The following PDE4B variants were observed in gnomAD, a reference collection of about 807,000 sequenced individuals.
PDE4B encodes the protein phosphodiesterase 4B, also known as 3',5'-cyclic-AMP phosphodiesterase 4B.
In PDE4B, 20 loss-of-function variants were observed where a neutral mutation model predicts 82.2. That is an observed-to-expected ratio of 0.24 (90% CI 0.17 to 0.35). The LOEUF (loss-of-function observed/expected upper bound fraction) is 0.35, where lower values mean the gene tolerates loss of function less well. PDE4B is among the 10% of genes least tolerant of loss of function. The pLI is 1.00. For missense variants in PDE4B, 655 were observed against 907.2 expected, an observed-to-expected ratio of 0.72 and a Z score of 3.57; for synonymous variants, 320 against 318.9, an observed-to-expected ratio of 1.00 and a Z score of -0.04.
intron 8 of PDE4B, among the ~76,000 whole-genome samples, chr1:66,339,829 T>C (rs1660825216): frequency 7.3e-6 from 1 of 136,092 alleles, no homozygotes; most frequent in African/African-American, 2.9e-5. Flanking sequence ...GTTTAGTTTT[T>C]TTTTGTTTGT....
At chr1:66,034,508 C>T (rs1242411539) in intron 3 of PDE4B, among the ~76,000 whole-genome samples, 1 of 152,116 alleles carries the variant, frequency 6.6e-6, no homozygotes, top group Non-Finnish European at 1.5e-5. Context: ...TTTTAGGCTA[C>T]AGTGTTTCAT....
At chr1:66,315,191 A>G (rs927825010) in intron 7 of PDE4B, among the ~76,000 whole-genome samples, 1 of 152,256 alleles carries the variant, frequency 6.6e-6, no homozygotes, top group Non-Finnish European at 1.5e-5. Flanking sequence ...GTTGACTATC[A>G]GTTGATGGTT....
In PDE4B at chr1:66,340,332, A is replaced by G. The variant is rs114088728; in HGVS notation, c.747+7712A>G. Reference sequence around the variant, plus strand: ...TAAGTTATTTAGAAACGAAGAAGACAGTAAAACTCCTGTTTCTTTTGTTTC... The same window carrying G: ...TAAGTTATTTAGAAACGAAGAAGACGGTAAAACTCCTGTTTCTTTTGTTTC... On this transcript the variant is annotated intron_variant, in intron 8 of 16. Transcript: ENST00000341517. Among the ~76,000 whole-genome samples the G allele has an allele frequency of 6.3e-3, 965 of 152,374 alleles. 15 individuals are homozygous for G. Among genetic ancestry groups the G allele is most frequent in the African/African-American group, 0.022 (917 of 41,592 alleles).
chr1:65,799,432 A>G (rs1645670070), intron 1 of PDE4B, among the ~76,000 whole-genome samples: 1 of 152,158 alleles, frequency 6.6e-6, no homozygotes, highest in Non-Finnish European at 1.5e-5. Context: ...GGAGGACATG[A>G]TTTTTTTAAA....
chr1:66,029,419 C>G (rs1260774770), intron 3 of PDE4B, among the ~76,000 whole-genome samples: 2 of 152,048 alleles, frequency 1.3e-5, no homozygotes, highest in East Asian at 3.8e-4. Flanking sequence ...GAAGCTTGCT[C>G]TAAGTTGGTA....
chr1:66,211,580 T>C (rs1650052562), intron 3 of PDE4B, among the ~76,000 whole-genome samples: 1 of 152,214 alleles, frequency 6.6e-6, no homozygotes, highest in Non-Finnish European at 1.5e-5. Flanking sequence ...AAAATAACAC[T>C]CTGCTAAGTT....
chr1:65,827,942 T>C (rs1646038402), intron 1 of PDE4B, among the ~76,000 whole-genome samples: 1 of 152,178 alleles, frequency 6.6e-6, no homozygotes, highest in Admixed American at 6.5e-5. Context: ...ATAAGAATTA[T>C]AGCAGGCTCC....
chr1:66,088,430 G>T (rs564360792), intron 3 of PDE4B, among the ~76,000 whole-genome samples: 3 of 152,130 alleles, frequency 2.0e-5, no homozygotes, highest in African/African-American at 7.2e-5. Context: ...GGAGCATGGG[G>T]ACTAATTATT....
intron 16 of PDE4B, among the ~76,000 whole-genome samples, chr1:66,370,217 T>C (rs1482438496): frequency 6.8e-6 from 1 of 147,928 alleles, no homozygotes; most frequent in East Asian, 2.0e-4. Context: ...TCTAATATAC[T>C]GTAAAAATGC....
intron 1 of PDE4B, among the ~76,000 whole-genome samples, chr1:65,818,593 C>T (rs368959324): frequency 1.3e-5 from 2 of 151,308 alleles, no homozygotes; most frequent in African/African-American, 4.9e-5. Flanking sequence ...GCCAGAACCA[C>T]GCCTTTCTCA....
intron 3 of PDE4B, among the ~76,000 whole-genome samples, chr1:66,011,616 T>A (rs1385484606): frequency 6.6e-6 from 1 of 152,146 alleles, no homozygotes; most frequent in Non-Finnish European, 1.5e-5. Context: ...CACTATTTCC[T>A]ATTCATATTG....
chr1:65,927,910 C>T, intron 3 of PDE4B, among the ~76,000 whole-genome samples: 1 of 152,128 alleles, frequency 6.6e-6, no homozygotes, highest in East Asian at 1.9e-4. Context: ...AGTCCGGGAA[C>T]CCACTGGATC....
chr1:66,363,258 A>C lies in PDE4B; in HGVS notation c.1111A>C (p.Ile371Leu). Residue 371 changes from isoleucine to leucine, a missense_variant, in exon 11 of 17, where the codon ATA becomes CTA. By Grantham distance (5) the Ile-to-Leu change is conservative. Around this residue, in one of 3 missense-constraint regions of PDE4B, gnomAD observed 283 missense variants for 516.4 expected, o/e 0.55. Coordinates refer to ENST00000341517, the MANE Select transcript of PDE4B (RefSeq NM_002600.4). ...ACCCCTAACATGCATCATGTATGCT[A>C]TATTCCAGGTGAGTGAACAGGAGTG... ...NRPLTCIMYA[I>L]FQERDLLKTF... 1.2e-6 allele frequency: 2 copies of C among 1,607,172 alleles called. No individual in the cohort carries two copies. The highest frequency in any genetic ancestry group is 1.7e-6 in the Non-Finnish European group (2 of 1,174,018).
At chr1:65,878,495 T>C (rs1646673741) in intron 1 of PDE4B, among the ~76,000 whole-genome samples, 1 of 152,218 alleles carries the variant, frequency 6.6e-6, no homozygotes, top group Non-Finnish European at 1.5e-5. Context: ...TGCCCATCAA[T>C]GTTAGACTGG....
intron 1 of PDE4B, among the ~76,000 whole-genome samples, chr1:65,867,315 A>G: frequency 6.6e-6 from 1 of 152,220 alleles, no homozygotes; most frequent in East Asian, 1.9e-4. Flanking sequence ...AGATTTTGAA[A>G]TCCTAGGTAT....
intron 1 of PDE4B, among the ~76,000 whole-genome samples, chr1:65,872,762 G>A (rs530796733): frequency 6.6e-6 from 1 of 152,048 alleles, no homozygotes; most frequent in African/African-American, 2.4e-5. Context: ...ATATAAAAAA[G>A]GTATAATAAA....
chr1:66,286,524 A>G (rs529601), intron 7 of PDE4B, among the ~76,000 whole-genome samples: 126,440 of 152,138 alleles, frequency 0.83, 52,940 homozygotes, highest in East Asian at 0.95. Context: ...CACATTCCCC[A>G]AAACAAACAA....
intron 3 of PDE4B, among the ~76,000 whole-genome samples, chr1:66,054,266 A>G (rs1655188398): frequency 6.6e-6 from 1 of 152,226 alleles, no homozygotes; most frequent in Non-Finnish European, 1.5e-5. Context: ...ATTTAGTTAG[A>G]CAGGAACATG....
At chr1:66,025,240 C>T (rs528589600) in intron 3 of PDE4B, among the ~76,000 whole-genome samples, 17 of 151,950 alleles carry the variant, frequency 1.1e-4, no homozygotes, top group Non-Finnish European at 2.5e-4. Flanking sequence ...TATTAAGAAA[C>T]AGAGTACTTC....
Sources: allele counts gnomAD v4.1 joint callset (sites outside exome capture counted in the v4.1 genomes callset), GRCh38; gene constraint gnomAD v4.1.1; regional missense constraint gnomAD v4.1.1; transcripts MANE v1.5; gene names NCBI Gene and HGNC (gene_info 2026-07-23, HGNC 2026-07-21).